LIMS4: variants seen among roughly 807,000 people sequenced by gnomAD.
LIMS4 encodes LIM and senescent cell antigen-like-containing domain protein 4.
At chr2:110,360,442 TTAA>T in the LIMS4 span, among the ~76,000 whole-genome samples, 1 of 88,746 alleles carries the variant, frequency 1.1e-5, no homozygotes, top group Non-Finnish European at 2.1e-5. Context: ...GTTTTAATAC[TTAA>T]TGAGGATATA....
the LIMS4 span, chr2:110,387,491 G>C: frequency 2.5e-6 from 1 of 405,840 alleles, no homozygotes; most frequent in Non-Finnish European, 4.4e-6. Context: ...TAAAAATAAA[G>C]GATAGAAACC....
At chr2:110,453,151 CTTT>C (rs1211612921) in intron 5 of LIMS4, among the ~76,000 whole-genome samples, 1 of 998 alleles carries the variant, frequency 1.0e-3, no homozygotes, top group Non-Finnish European at 1.3e-3. Flanking sequence ...TTCTTTCTTT[CTTT>C]TTTTTTTTTT....
At chr2:110,395,907 G>C in the LIMS4 span, among the ~76,000 whole-genome samples, 1 of 138,988 alleles carries the variant, frequency 7.2e-6, no homozygotes, top group Non-Finnish European at 1.5e-5. Flanking sequence ...CATGGGCAAA[G>C]AGCTATAAAA....
At chr2:110,397,453 G>C in the LIMS4 span, 1 of 140,962 alleles carries the variant, frequency 7.1e-6, no homozygotes, top group African/African-American at 2.7e-5. Context: ...CAGACTTGAA[G>C]ATGTAGGTAT....
the LIMS4 span, among the ~76,000 whole-genome samples, chr2:110,378,966 C>T: frequency 6.8e-6 from 1 of 146,802 alleles, no homozygotes; most frequent in East Asian, 2.0e-4. Context: ...TCAGTTGATG[C>T]TCTCTTTCTA....
chr2:110,361,956 C>T, the LIMS4 span: 2 of 1,377,638 alleles, frequency 1.5e-6, no homozygotes, highest in Non-Finnish European at 2.0e-6. Flanking sequence ...GAGTACACAA[C>T]ATTGCAACGT....
the LIMS4 span, among the ~76,000 whole-genome samples, chr2:110,366,640 G>A: frequency 2.6e-5 from 4 of 152,054 alleles, no homozygotes; most frequent in Admixed American, 1.3e-4. Flanking sequence ...ACAAGACAAG[G>A]ATACCCACTC....
At chr2:110,383,051 C>T in the LIMS4 span, 1 of 44,040 alleles carries the variant, frequency 2.3e-5, no homozygotes, top group Non-Finnish European at 3.8e-5. Context: ...GAAGTGCTGC[C>T]TTGGAGTCGG....
the LIMS4 span, among the ~76,000 whole-genome samples, chr2:110,367,434 A>C: frequency 1.1e-4 from 16 of 143,710 alleles, 2 homozygotes; most frequent in African/African-American, 4.6e-4. Context: ...ACACGTCTAC[A>C]ACTAACTGAT....
At chr2:110,448,346 C>CATTT (rs1291600642) in intron 8 of LIMS4, among the ~76,000 whole-genome samples, 9 of 119,280 alleles carry the variant, frequency 7.5e-5, no homozygotes, top group African/African-American at 3.0e-4. Context: ...GTCTTGTATA[C>CATTT]ATTTATTTAT....
chr2:110,362,001 G>C, the LIMS4 span: 1 of 1,165,986 alleles, frequency 8.6e-7, no homozygotes, highest in Admixed American at 2.1e-5. Flanking sequence ...GTGTAGTGCA[G>C]ACAGTTCTTG....
the LIMS4 span, among the ~76,000 whole-genome samples, chr2:110,425,352 C>G: frequency 2.1e-5 from 3 of 141,294 alleles, no homozygotes; most frequent in African/African-American, 3.0e-5. Context: ...TGTAATCCAG[C>G]CTGGGCAACA....
the LIMS4 span, chr2:110,360,992 A>G: frequency 1.4e-5 from 22 of 1,577,340 alleles, no homozygotes; most frequent in Non-Finnish European, 1.6e-5. Context: ...ACACTTGTGA[A>G]CCTTAAAAAC....
At chr2:110,368,280 ATATT>A in the LIMS4 span, among the ~76,000 whole-genome samples, 1 of 151,468 alleles carries the variant, frequency 6.6e-6, no homozygotes, top group Non-Finnish European at 1.5e-5. Flanking sequence ...ATACATAAAT[ATATT>A]TAATATAGAA....
chr2:110,386,713 G>C, the LIMS4 span: 1 of 831,720 alleles, frequency 1.2e-6, no homozygotes, highest in Non-Finnish European at 1.9e-6. Flanking sequence ...AAGGAGCGTG[G>C]CTGCTGGGCT....
At chr2:110,368,209 T>C in the LIMS4 span, among the ~76,000 whole-genome samples, 5 of 145,922 alleles carry the variant, frequency 3.4e-5, no homozygotes, top group Admixed American at 2.7e-4. Context: ...TTTAGAAATA[T>C]AGAACATAGG....
downstream of LIMS4, among the ~76,000 whole-genome samples, chr2:110,443,064 C>CT (rs1397613608): frequency 4.5e-4 from 50 of 110,454 alleles, no homozygotes; most frequent in African/African-American, 6.9e-4. Context: ...TTTTCTTTTT[C>CT]TTTTTTTTTT....
At chr2:110,418,810 AT>A in the LIMS4 span, among the ~76,000 whole-genome samples, 12 of 27,830 alleles carry the variant, frequency 4.3e-4, no homozygotes. Flanking sequence ...GCACGCCACC[AT>A]GCCCAGCTAA....
chr2:110,425,443 A>C, the LIMS4 span, among the ~76,000 whole-genome samples: 1 of 139,504 alleles, frequency 7.2e-6, no homozygotes, highest in Non-Finnish European at 1.5e-5. Context: ...CAGGTGGGAG[A>C]CTGGCAGGCA....
Sources: allele counts gnomAD v4.1 joint callset (sites outside exome capture counted in the v4.1 genomes callset), GRCh38; gene constraint gnomAD v4.1.1; transcripts MANE v1.5; gene names NCBI Gene and HGNC (gene_info 2026-07-23, HGNC 2026-07-21).